P2RY12: variants seen among roughly 807,000 people sequenced by gnomAD.
P2RY12 encodes purinergic receptor P2Y12.
Under a neutral mutation model 4.5 loss-of-function variants are expected in P2RY12, and 3 were observed. The ratio of observed to expected loss-of-function variants is 0.67; its 90% confidence interval spans 0.31 to 1.74. The LOEUF (loss-of-function observed/expected upper bound fraction) is 1.74. Ranked by LOEUF, P2RY12 falls within the 40% of genes most tolerant of loss-of-function variation. The pLI is 0.09. For synonymous variants in P2RY12, 148 were observed against 154.1 expected (o/e 0.96, Z 0.29); for missense variants, 356 against 407.8 (o/e 0.87, Z 1.09).
chr3:151,355,086 A>G (rs771917597), intron 1 of P2RY12: 18 of 1,512,612 alleles, frequency 1.2e-5, no homozygotes, highest in African/African-American at 8.3e-5. Context: ...CTTCTATTAA[A>G]TGGAAAATAA....
chr3:151,349,953 C>A (rs1393606981), intron 1 of P2RY12: 8 of 979,640 alleles, frequency 8.2e-6, no homozygotes, highest in Non-Finnish European at 1.0e-5. Context: ...GGGATGCCAC[C>A]ACCGCAAGCC....
At chr3:151,339,948 A>C (rs1351708720) in intron 2 of P2RY12, among the ~76,000 whole-genome samples, 1 of 152,160 alleles carries the variant, frequency 6.6e-6, no homozygotes, top group Non-Finnish European at 1.5e-5. Context: ...ACAAATAACA[A>C]ATTTTAAAAA....
chr3:151,353,950 G>T (rs1248716808), intron 1 of P2RY12, among the ~76,000 whole-genome samples: 2 of 151,512 alleles, frequency 1.3e-5, no homozygotes, highest in Non-Finnish European at 2.9e-5. Flanking sequence ...GACCATCCCG[G>T]CTAACACGGT....
chr3:151,345,517 CTTTTTTTTTT>C (rs201731496), intron 1 of P2RY12, among the ~76,000 whole-genome samples: 15 of 131,654 alleles, frequency 1.1e-4, no homozygotes, highest in Admixed American at 9.3e-4. Context: ...TTTTCTTTTT[CTTTTTTTTTT>C]TTTTTTTGAG....
At chr3:151,347,291 T>A (rs1379828576) in intron 1 of P2RY12, among the ~76,000 whole-genome samples, 1 of 152,228 alleles carries the variant, frequency 6.6e-6, no homozygotes, top group Non-Finnish European at 1.5e-5. Context: ...ATTTGTTCAT[T>A]AGTCTGCTTA....
rs16863339 is a variant in P2RY12 at position 151,367,575 on chromosome 3, C to G, written c.-180+17117G>C. ...ATCTTATTGGTATTGCCTGCATTCT[C>G]TTAGTTATTAATCTTAGATACTGCT... On this transcript the variant is annotated intron_variant, in intron 1 of 2. Transcript: ENST00000302632. 2.6e-3 allele frequency: 3,687 copies of G among 1,410,450 alleles called. 79 individuals are homozygous for G. The African/African-American group carries it at 0.046, about 18-fold the overall frequency. The allele number at this position is 1,410,450 out of a possible 1,614,324, so 87.4% of individuals were successfully genotyped here. A position where few individuals can be genotyped will look rare whatever the true frequency, so the allele number is the denominator to read the frequency against.
intron 1 of P2RY12, among the ~76,000 whole-genome samples, chr3:151,361,946 A>G (rs760373837): frequency 1.1e-4 from 16 of 152,146 alleles, no homozygotes; most frequent in Non-Finnish European, 1.8e-4. Context: ...ATTATTTACT[A>G]TAGATGGGTA....
chr3:151,340,122 C>G (rs1751624392), intron 2 of P2RY12, among the ~76,000 whole-genome samples: 1 of 152,098 alleles, frequency 6.6e-6, no homozygotes, highest in Non-Finnish European at 1.5e-5. Flanking sequence ...CTATTTAGCG[C>G]TTTAAAATAA....
In P2RY12 at chr3:151,363,012, G is replaced by GC. The variant is rs572487178; in HGVS notation, c.-180+21679dup. 2.8e-3 allele frequency among the ~76,000 whole-genome samples: 430 copies of GC among 152,088 alleles called. 1 individual carries two copies. Among genetic ancestry groups the GC allele is most frequent in the African/African-American group, 1.0e-2 (413 of 41,480 alleles). On this transcript the variant is annotated intron_variant, in intron 1 of 2. Coordinates refer to ENST00000302632, the MANE Select transcript of P2RY12 (RefSeq NM_022788.5). ...TTTTAATAGTGAACTTCCTCAGACA[G>GC]CCCCAGTAGCCTATTTGACCCTTAA...
At position 151,345,471 on chromosome 3, in the gene P2RY12, G is replaced by A. The variant is rs149740447; in HGVS notation, c.-179-4711C>T. Among the ~76,000 whole-genome samples the A allele has an allele frequency of 5.5e-3, 830 of 150,736 alleles. 27 individuals are homozygous for A. Among genetic ancestry groups the A allele is most frequent in the Admixed American group, 0.049 (744 of 15,114 alleles). ...GGTTGACTTTATTCTCATTTGTTATGAATTGCTATTTGAAGGCTTCTACGT... is the reference window on the plus strand; with the variant it reads ...GGTTGACTTTATTCTCATTTGTTATAAATTGCTATTTGAAGGCTTCTACGT... On this transcript the variant is annotated intron_variant, in intron 1 of 2. Transcript: ENST00000302632.
chr3:151,381,542 TC>T (rs754919480), intron 1 of P2RY12, among the ~76,000 whole-genome samples: 2 of 152,218 alleles, frequency 1.3e-5, no homozygotes, highest in African/African-American at 2.4e-5. Flanking sequence ...GTGCATCTTT[TC>T]TTCCCTTTAG....
chr3:151,338,181 C>G lies in P2RY12; in HGVS notation c.665G>C (p.Arg222Thr). ...GGGGACTTTACCTACACCCCTCGTT[C>G]TTACGTATGACCGGTACAGTTCTTT... is the stretch of plus-strand genomic sequence containing the variant. ...ITKELYRSYV[R>T]TRGVGKVPRK... is the part of the protein sequence containing the mutation. The change falls in exon 3 of 3, where the codon AGA (arginine) becomes ACA (threonine). Residue 222 changes from arginine (R) to threonine (T), a missense_variant. By Grantham distance (71) the Arg-to-Thr change is moderately conservative (BLOSUM62 -1). Coordinates refer to ENST00000302632, the MANE Select transcript of P2RY12 (RefSeq NM_022788.5). The G allele has an allele frequency of 1.2e-6, 2 of 1,614,084 alleles. No homozygotes were observed. The highest frequency in any genetic ancestry group is 1.7e-6 in the Non-Finnish European group (2 of 1,179,988).
At chr3:151,349,253 G>GA (rs139597859) in intron 1 of P2RY12, among the ~76,000 whole-genome samples, 11,084 of 152,100 alleles carry the variant, frequency 0.073, 1,402 homozygotes, top group African/African-American at 0.25. Flanking sequence ...CCCACGTGGG[G>GA]AAAAAAATGG....
intron 1 of P2RY12, among the ~76,000 whole-genome samples, chr3:151,366,526 C>T (rs1173021786): frequency 6.6e-6 from 1 of 152,194 alleles, no homozygotes; most frequent in Non-Finnish European, 1.5e-5. Flanking sequence ...GTATATATCA[C>T]TGACTTCCTT....
intron 1 of P2RY12, among the ~76,000 whole-genome samples, chr3:151,343,954 A>G (rs1286296338): frequency 1.3e-5 from 2 of 152,016 alleles, no homozygotes; most frequent in Non-Finnish European, 2.9e-5. Flanking sequence ...TGACATTAAT[A>G]TTTTGTTTGA....
intron 1 of P2RY12, among the ~76,000 whole-genome samples, chr3:151,346,597 A>G (rs1190552085): frequency 6.6e-6 from 1 of 152,010 alleles, no homozygotes; most frequent in Non-Finnish European, 1.5e-5. Context: ...TGTCAGTGAC[A>G]CTCTTTCTTA....
At chr3:151,376,317 A>G (rs951192432) in intron 1 of P2RY12, 1 of 963,330 alleles carries the variant, frequency 1.0e-6, no homozygotes, top group African/African-American at 1.7e-5. Flanking sequence ...TTGTGATTTC[A>G]ATTCTGATTT....
chr3:151,345,631 C>T (rs1283461776), intron 1 of P2RY12, among the ~76,000 whole-genome samples: 1 of 151,258 alleles, frequency 6.6e-6, no homozygotes, highest in Non-Finnish European at 1.5e-5. Flanking sequence ...AATTTTCCTG[C>T]CTCAGCCTCC....
chr3:151,357,098 T>A, intron 1 of P2RY12: 1 of 895,602 alleles, frequency 1.1e-6, no homozygotes, highest in Non-Finnish European at 1.6e-6. Context: ...AAAGTTAAAT[T>A]TAGGGAATGT....
Sources: allele counts gnomAD v4.1 joint callset (sites outside exome capture counted in the v4.1 genomes callset), GRCh38; gene constraint gnomAD v4.1.1; transcripts MANE v1.5; gene names NCBI Gene and HGNC (gene_info 2026-07-23, HGNC 2026-07-21).